The following PTPRR variants were observed in gnomAD, a reference collection of about 807,000 sequenced individuals.
The protein encoded by PTPRR is protein tyrosine phosphatase receptor type R, also known as receptor-type tyrosine-protein phosphatase R.
PTPRR carries 38 observed loss-of-function variants against 77.2 expected under a neutral mutation model. The ratio of observed to expected loss-of-function variants is 0.49; its 90% CI spans 0.38 to 0.65. PTPRR has a LOEUF of 0.65. Among genes scored for constraint, PTPRR ranks in the 30% least tolerant of loss-of-function variants. The pLI is 0.00. For missense variants in PTPRR, 744 were observed against 799.2 expected (o/e 0.93, Z 0.83); for synonymous variants, 299 against 283.1 (o/e 1.06, Z -0.57).
chr12:70,849,591 T>C (rs767039083), intron 2 of PTPRR, among the ~76,000 whole-genome samples: 13 of 152,234 alleles, frequency 8.5e-5, no homozygotes, highest in Non-Finnish European at 1.9e-4. Context: ...AAAGGGGTTT[T>C]GTTTTTACAT....
intron 6 of PTPRR, among the ~76,000 whole-genome samples, chr12:70,737,677 G>A (rs184775399): frequency 1.3e-5 from 2 of 152,004 alleles, no homozygotes; most frequent in Non-Finnish European, 2.9e-5. Context: ...ACACCACCAT[G>A]CCTGGCTAAT....
chr12:70,778,325 A>G (rs1891133164), intron 2 of PTPRR, among the ~76,000 whole-genome samples: 1 of 151,884 alleles, frequency 6.6e-6, no homozygotes, highest in South Asian at 2.1e-4. Context: ...CCCTCATCTC[A>G]TAGAAGTCTT....
At chr12:70,783,871 GGGGGC>G (rs1337503978) in intron 2 of PTPRR, among the ~76,000 whole-genome samples, 3,560 of 76,862 alleles carry the variant, frequency 0.046, 302 homozygotes, top group African/African-American at 0.2. Flanking sequence ...GACGGGGGGG[GGGGGC>G]GGGGGGCGGG....
At chr12:70,796,210 C>T (rs987153929) in intron 2 of PTPRR, among the ~76,000 whole-genome samples, 7 of 152,104 alleles carry the variant, frequency 4.6e-5, no homozygotes, top group East Asian at 3.9e-4. Context: ...AGGCATGAGC[C>T]GCCATGCCTG....
chr12:70,783,883 CGGGGGTT>C (rs1891261481), intron 2 of PTPRR, among the ~76,000 whole-genome samples: 8 of 9,488 alleles, frequency 8.4e-4, no homozygotes, highest in Admixed American at 1.7e-3. Context: ...GGGCGGGGGG[CGGGGGTT>C]GGCACGTCAG....
intron 5 of PTPRR, among the ~76,000 whole-genome samples, chr12:70,747,375 T>C (rs745975946): frequency 1.3e-5 from 2 of 152,222 alleles, no homozygotes; most frequent in Non-Finnish European, 2.9e-5. Flanking sequence ...AATATATCTG[T>C]ACCTTTACAA....
chr12:70,665,021 A>G (rs1488545355), intron 10 of PTPRR, among the ~76,000 whole-genome samples: 1 of 152,180 alleles, frequency 6.6e-6, no homozygotes, highest in East Asian at 1.9e-4. Flanking sequence ...GCTAACAATG[A>G]GATAAAAGAG....
chr12:70,796,458 T>C (rs1247227479), intron 2 of PTPRR, among the ~76,000 whole-genome samples: 1 of 152,192 alleles, frequency 6.6e-6, no homozygotes, highest in Non-Finnish European at 1.5e-5. Flanking sequence ...ATGTGATTTA[T>C]AAATATGTGT....
intron 2 of PTPRR, among the ~76,000 whole-genome samples, chr12:70,785,814 A>C (rs1189211934): frequency 2.6e-5 from 4 of 152,244 alleles, no homozygotes; most frequent in African/African-American, 9.6e-5. Flanking sequence ...TATCCTGGGT[A>C]CAGTAAACAA....
intron 10 of PTPRR, among the ~76,000 whole-genome samples, chr12:70,663,082 T>A (rs765655767): frequency 6.6e-6 from 1 of 152,226 alleles, no homozygotes. Flanking sequence ...ATCTAATATG[T>A]TAGGTGGCAT....
At chr12:70,670,209 G>C (rs1887168837) in intron 10 of PTPRR, among the ~76,000 whole-genome samples, 1 of 152,180 alleles carries the variant, frequency 6.6e-6, no homozygotes, top group African/African-American at 2.4e-5. Context: ...CAGTGTGTTA[G>C]GCCAAATTAT....
chr12:70,650,452 A>AAT (rs10585997), intron 13 of PTPRR, among the ~76,000 whole-genome samples: 299 of 150,444 alleles, frequency 2.0e-3, no homozygotes, highest in Middle Eastern at 0.01. Flanking sequence ...AACAAAACAA[A>AAT]ATATATATAT....
rs985596921 is a variant in PTPRR at position 70,644,035 on chromosome 12, T to C, written c.1881-4758A>G. 2.0e-5 allele frequency among the ~76,000 whole-genome samples: 3 copies of C among 152,298 alleles called. No homozygotes were observed. In the East Asian group the frequency reaches 5.8e-4, roughly 29 times the overall value. On this transcript the variant is annotated intron_variant, in intron 13 of 13. Coordinates refer to ENST00000283228, the MANE Select transcript of PTPRR (RefSeq NM_002849.4). ...AGCATCCAACTCACATATTGTTATG[T>C]CAGTAAGGACTTTCCAATACAGTAC...
intron 6 of PTPRR, among the ~76,000 whole-genome samples, chr12:70,724,185 T>G (rs926753136): frequency 6.6e-6 from 1 of 152,224 alleles, no homozygotes; most frequent in Non-Finnish European, 1.5e-5. Context: ...ATTCATTTTA[T>G]AAGTGTATAT....
chr12:70,796,340 C>CTTT (rs201301485), intron 2 of PTPRR, among the ~76,000 whole-genome samples: 169 of 151,360 alleles, frequency 1.1e-3, no homozygotes, highest in African/African-American at 3.4e-3. Context: ...AGAATATACA[C>CTTT]TTTTTTTTAA....
At chr12:70,918,987 T>G (rs1893814043) in intron 1 of PTPRR, among the ~76,000 whole-genome samples, 1 of 152,216 alleles carries the variant, frequency 6.6e-6, no homozygotes, top group African/African-American at 2.4e-5. Flanking sequence ...TATTGAAAAC[T>G]CCACAATATA....
intron 2 of PTPRR, among the ~76,000 whole-genome samples, chr12:70,853,381 G>A (rs1450684410): frequency 1.3e-5 from 2 of 152,160 alleles, no homozygotes; most frequent in Admixed American, 6.5e-5. Context: ...TACACATTCT[G>A]CATTAAAACT....
intron 2 of PTPRR, among the ~76,000 whole-genome samples, chr12:70,856,797 G>T (rs1892659016): frequency 6.6e-6 from 1 of 150,736 alleles, no homozygotes; most frequent in Admixed American, 6.6e-5. Context: ...AGAGAGGGAG[G>T]CAGGAAGAGA....
intron 10 of PTPRR, among the ~76,000 whole-genome samples, chr12:70,683,320 C>T (rs1364663455): frequency 3.9e-5 from 6 of 152,074 alleles, no homozygotes; most frequent in African/African-American, 7.2e-5. Flanking sequence ...AGCGGTACCT[C>T]GGATATCAGC....
Sources: allele counts gnomAD v4.1 joint callset (sites outside exome capture counted in the v4.1 genomes callset), GRCh38; gene constraint gnomAD v4.1.1; transcripts MANE v1.5; gene names NCBI Gene and HGNC (gene_info 2026-07-23, HGNC 2026-07-21).